The following NUP210 variants were observed in gnomAD, a reference collection of about 807,000 sequenced individuals.
NUP210 encodes nucleoporin 210, also known as nuclear pore membrane glycoprotein 210.
In NUP210, 151 loss-of-function variants were observed where a neutral mutation model predicts 196.0. The observed-to-expected ratio is 0.77, with a 90% CI of 0.67 to 0.88. The LOEUF is 0.88. Ranked by LOEUF, NUP210 falls within the 40% of genes least tolerant of loss-of-function variation. The pLI is 0.00. For missense variants in NUP210, 2,314 were observed against 2,493.7 expected (o/e 0.93, Z 1.53); for synonymous variants, 1,070 against 1,052.7 (o/e 1.02, Z -0.32).
intron 18 of NUP210, 113 bp downstream of exon 18, chr3:13,353,441 G>A (rs1429517953): frequency 1.1e-5 from 9 of 855,284 alleles, no homozygotes; most frequent in Non-Finnish European, 1.5e-5. Flanking sequence ...TGGGGGAGTG[G>A]TGGTCAAGCA....
intron 5 of NUP210, among the ~76,000 whole-genome samples, chr3:13,387,403 T>C (rs1028566192): frequency 6.6e-6 from 1 of 152,170 alleles, no homozygotes; most frequent in Non-Finnish European, 1.5e-5. Context: ...GCAGTGTGGC[T>C]GTACCCCATC....
Position 13,347,107 on chromosome 3 carries a change from G to A in NUP210, c.2836-3804C>T. The A allele has an allele frequency of 1.0e-6, 1 of 985,438 alleles. No homozygotes were observed. 61.0% of individuals were successfully genotyped at this position (985,438 alleles called of 1,614,324 possible). ...GTCCTCACCTGAACAATGGCCCCAT[G>A]ACGGGCTGCGCCTCACAGGACCCAG... is the stretch of plus-strand genomic sequence containing the variant. On this transcript the variant is annotated intron_variant, in intron 20 of 39. Coordinates refer to ENST00000254508, the MANE Select transcript of NUP210 (RefSeq NM_024923.4). This position sits in a 1 kb window ranked among gnomAD's most constrained non-coding sequence, Gnocchi z 4.7.
In NUP210 at chr3:13,316,549, G is replaced by A. The variant is rs1453059602; in HGVS notation, c.*1132C>T. 1.3e-5 allele frequency: 2 copies of A among 152,296 alleles called. No individual in the cohort carries two copies. The highest frequency in any genetic ancestry group is 1.9e-4 in the East Asian group (1 of 5,182). 9.4% of individuals were successfully genotyped at this position (152,296 alleles called of 1,614,324 possible). On this transcript the variant is annotated 3_prime_UTR_variant, in exon 40 of 40. Transcript: ENST00000254508. ...GAGAATCTCAGATCCAGAATCAGGA[G>A]CTGGGAAGAGAGGACTTTTCCAAGG...
At chr3:13,394,946 AG>A (rs1699604885) in intron 3 of NUP210, among the ~76,000 whole-genome samples, 1 of 152,244 alleles carries the variant, frequency 6.6e-6, no homozygotes, top group Non-Finnish European at 1.5e-5. Context: ...AGGACCAAGT[AG>A]AAAGCATGAT....
intron 20 of NUP210, among the ~76,000 whole-genome samples, chr3:13,349,505 G>A (rs1170319137): frequency 6.6e-6 from 1 of 152,148 alleles, no homozygotes; most frequent in African/African-American, 2.4e-5. Context: ...CTCATGGGGT[G>A]GGGTTCCCTG....
At chr3:13,407,056 T>C (rs1345828085) in intron 1 of NUP210, among the ~76,000 whole-genome samples, 2 of 152,172 alleles carry the variant, frequency 1.3e-5, no homozygotes, top group Admixed American at 6.5e-5. Flanking sequence ...CCAAATGAGC[T>C]AACCTCCCTG....
chr3:13,358,045 C>T (rs1698241672), intron 16 of NUP210, among the ~76,000 whole-genome samples, 177 bp downstream of exon 16: 1 of 152,194 alleles, frequency 6.6e-6, no homozygotes, highest in Admixed American at 6.5e-5. Context: ...CTGTGTGTCC[C>T]CTGCATATAA....
intron 1 of NUP210, among the ~76,000 whole-genome samples, chr3:13,401,844 AG>A (rs376179745): frequency 1.7e-3 from 252 of 152,208 alleles, no homozygotes; most frequent in African/African-American, 5.8e-3. Context: ...GGGCAGAAAA[AG>A]GAGCCTGTAC....
chr3:13,391,524 T>C (rs1407087161), intron 3 of NUP210, among the ~76,000 whole-genome samples: 1 of 151,202 alleles, frequency 6.6e-6, no homozygotes, highest in African/African-American at 2.4e-5. Context: ...GAGGCCAGAA[T>C]TTGAACCTAG....
chr3:13,327,353 A>T lies in NUP210; in HGVS notation c.4371T>A (p.Arg1457=), dbSNP rs1488831898. ...GGCCCGGGTGCTCTGCGTCCCACAC[A>T]CGGAGCAGTGTCAGGCCCACGCTGA... ...RTVSVGLTLL[R]VWDAEHPGLS... Residue 1457 remains arginine (R), a synonymous_variant, in exon 32 of 40, where the codon CGT becomes CGA. Transcript: ENST00000254508. 1 of 1,613,378 alleles carries T rather than the reference A, an allele frequency of 6.2e-7. No homozygotes were observed. Among genetic ancestry groups the T allele is most frequent in the Middle Eastern group, 1.7e-4 (1 of 6,060 alleles).
intron 27 of NUP210, 95 bp from the exon 28 acceptor site, chr3:13,335,707 C>T: frequency 2.2e-6 from 3 of 1,390,750 alleles, no homozygotes; most frequent in South Asian, 2.6e-5. Flanking sequence ...CCCCCCAGCC[C>T]CCCAGTCCTG....
At chr3:13,333,606 G>A (rs1339273176) in intron 28 of NUP210, among the ~76,000 whole-genome samples, 1 of 152,206 alleles carries the variant, frequency 6.6e-6, no homozygotes, top group Non-Finnish European at 1.5e-5. Flanking sequence ...CTCCATATGA[G>A]GTGACAGGAG....
chr3:13,325,187 C>G (rs1403485672), intron 33 of NUP210, among the ~76,000 whole-genome samples: 1 of 152,190 alleles, frequency 6.6e-6, no homozygotes, highest in Non-Finnish European at 1.5e-5. Flanking sequence ...CACCCCATCC[C>G]CTGACCAGAG....
intron 6 of NUP210, among the ~76,000 whole-genome samples, chr3:13,382,113 A>C (rs1699122788): frequency 6.6e-6 from 1 of 152,196 alleles, no homozygotes; most frequent in South Asian, 2.1e-4. Context: ...AACCTAGTAC[A>C]TTTTATTTCA....
Position 13,340,605 on chromosome 3 carries a change from C to A in NUP210, c.3229-307G>T, listed in dbSNP as rs1027162547. On this transcript the variant is annotated intron_variant, in intron 23 of 39. Transcript: ENST00000254508. This position sits in a 1 kb window ranked among gnomAD's most constrained non-coding sequence, Gnocchi z 4.0. ...GATGGCTTTTATGCAGTTGAGCCAT[C>A]CCCTTAGAGCAGCGGTTCTCAGTGT... Among the ~76,000 whole-genome samples, 1 of 152,198 alleles carries A rather than the reference C, an allele frequency of 6.6e-6. No homozygotes were observed. The highest frequency in any genetic ancestry group is 1.5e-5 in the Non-Finnish European group (1 of 68,026).
intron 23 of NUP210, among the ~76,000 whole-genome samples, 180 bp downstream of exon 23, chr3:13,341,568 T>C (rs1697494997): frequency 1.3e-5 from 2 of 152,222 alleles, no homozygotes; most frequent in African/African-American, 2.4e-5. Flanking sequence ...TCTGCCAGTC[T>C]AACTTTGCTG....
intron 1 of NUP210, among the ~76,000 whole-genome samples, chr3:13,404,244 T>G (rs1398257042): frequency 6.6e-6 from 1 of 152,082 alleles, no homozygotes; most frequent in African/African-American, 2.4e-5. Context: ...CAGGGGTGTG[T>G]AATGCTGGAT....
At chr3:13,337,075 A>C in intron 26 of NUP210, 157 bp from the exon 27 acceptor site, 45 of 830,138 alleles carry the variant, frequency 5.4e-5, no homozygotes, top group Non-Finnish European at 8.0e-5. Flanking sequence ...ATGAAATATC[A>C]AACGAGCAAA....
chr3:13,356,542 C>T (rs925300128), intron 16 of NUP210, among the ~76,000 whole-genome samples: 1 of 152,186 alleles, frequency 6.6e-6, no homozygotes, highest in African/African-American at 2.4e-5. Context: ...ACTCAGGAGG[C>T]TGAGGCAGGA....
Sources: allele counts gnomAD v4.1 joint callset (sites outside exome capture counted in the v4.1 genomes callset), GRCh38; gene constraint gnomAD v4.1.1; non-coding constraint Gnocchi (gnomAD v3.1); transcripts MANE v1.5; gene names NCBI Gene and HGNC (gene_info 2026-07-23, HGNC 2026-07-21).